The following MYOM2 variants were observed in gnomAD, a reference collection of about 807,000 sequenced individuals.
The protein encoded by MYOM2 is myomesin 2.
Under a neutral mutation model 187.6 loss-of-function variants are expected in MYOM2, and 254 were observed. That is an observed-to-expected ratio of 1.35 (90% CI 1.22 to 1.50). The LOEUF is 1.50. Ranked by LOEUF, MYOM2 falls within the 40% of genes most tolerant of loss-of-function variation. MYOM2 has a pLI of 0.00. For synonymous variants in MYOM2, 981 were observed against 753.8 expected (o/e 1.30, Z -4.94); for missense variants, 2,796 against 1,924.0 (o/e 1.45, Z -8.48).
At chr8:2,105,015 C>T (rs141640641) in intron 21 of MYOM2, among the ~76,000 whole-genome samples, 6 of 152,222 alleles carry the variant, frequency 3.9e-5, no homozygotes, top group East Asian at 1.9e-4. Flanking sequence ...TGAGCTCAAG[C>T]GATCCTCTGG....
intron 14 of MYOM2, 23 bp from the exon 15 acceptor site, chr8:2,089,985 C>T (rs1409403539): frequency 1.2e-6 from 2 of 1,610,978 alleles, no homozygotes; most frequent in Non-Finnish European, 1.7e-6. Context: ...CACTGCCAGT[C>T]TCGTTTCTGT....
chr8:2,103,248 ATGAG>A (rs773483962), intron 21 of MYOM2, among the ~76,000 whole-genome samples: 112 of 144,158 alleles, frequency 7.8e-4, no homozygotes, highest in Non-Finnish European at 1.3e-3. Context: ...ATATGGATAA[ATGAG>A]TGAGAGAGTG....
At chr8:2,065,272 G>C (rs955894220) in intron 6 of MYOM2, among the ~76,000 whole-genome samples, 1 of 152,170 alleles carries the variant, frequency 6.6e-6, no homozygotes, top group Non-Finnish European at 1.5e-5. Context: ...AGCTGCAGGT[G>C]TGTAAAAGCC....
At chr8:2,103,752 TGAG>T (rs1207779912) in intron 21 of MYOM2, among the ~76,000 whole-genome samples, 1 of 151,088 alleles carries the variant, frequency 6.6e-6, no homozygotes, top group Non-Finnish European at 1.5e-5. Flanking sequence ...TATGGATAAA[TGAG>T]TGGGAGAGCA....
intron 36 of MYOM2, among the ~76,000 whole-genome samples, chr8:2,143,966 C>T (rs773934695): frequency 1.3e-5 from 2 of 152,214 alleles, no homozygotes; most frequent in Non-Finnish European, 2.9e-5. Flanking sequence ...AATTTGTTGC[C>T]TGTCGGGAGA....
At chr8:2,111,094 G>A (rs906220791) in intron 25 of MYOM2, among the ~76,000 whole-genome samples, 5 of 152,200 alleles carry the variant, frequency 3.3e-5, no homozygotes, top group African/African-American at 1.2e-4. Flanking sequence ...TAGGGGAATG[G>A]CACTTTATTT....
chr8:2,079,757 C>T (rs1819558742), intron 13 of MYOM2, 144 bp downstream of exon 13: 5 of 863,950 alleles, frequency 5.8e-6, no homozygotes, highest in South Asian at 4.1e-5. Context: ...GGCCTGCAAG[C>T]CCAGTGTCCA....
At chr8:2,095,217 C>G (rs1396762300) in intron 17 of MYOM2, among the ~76,000 whole-genome samples, 3 of 151,930 alleles carry the variant, frequency 2.0e-5, no homozygotes, top group South Asian at 2.1e-4. Context: ...AATCTCCTCT[C>G]AATTTTTTCC....
At chr8:2,113,777 C>G (rs1797146443) in intron 25 of MYOM2, among the ~76,000 whole-genome samples, 2 of 152,358 alleles carry the variant, frequency 1.3e-5, no homozygotes, top group Non-Finnish European at 2.9e-5. Flanking sequence ...TCAGAGACCA[C>G]AGCCACCTCA....
In MYOM2 at chr8:2,096,367, A is replaced by G. The variant is rs759084834; in HGVS notation, c.2246A>G (p.Lys749Arg). The part of the protein sequence containing the change: ...GSPILGYYLD[K>R]REVHHKNWHE... ...CCCATCCTGGGCTACTACCTGGACA[A>G]GCGTGAAGTTCACCATAAAAACTGG... The change falls in exon 18 of 37, where the codon AAG becomes AGG. Residue 749 changes from lysine to arginine, a missense_variant. Transcript: ENST00000262113. 7 of 1,614,234 alleles carry G rather than the reference A, an allele frequency of 4.3e-6. No individual in the cohort carries two copies. In the South Asian group the frequency reaches 7.7e-5, roughly 18 times the overall value.
chr8:2,134,219 G>C (rs866414257), intron 32 of MYOM2, among the ~76,000 whole-genome samples: 17 of 152,206 alleles, frequency 1.1e-4, no homozygotes, highest in Admixed American at 2.6e-4. Flanking sequence ...CTGGCTCCTG[G>C]TTTCCCCCCT....
chr8:2,135,301 C>T (rs1044841659), intron 32 of MYOM2, among the ~76,000 whole-genome samples: 1 of 152,038 alleles, frequency 6.6e-6, no homozygotes. Context: ...TATTGCTTTC[C>T]AAAGTTACTT....
chr8:2,046,311 C>T (rs954823776), intron 1 of MYOM2, among the ~76,000 whole-genome samples: 5 of 152,168 alleles, frequency 3.3e-5, no homozygotes, highest in Non-Finnish European at 5.9e-5. Context: ...ACACGTGGTC[C>T]CCTGCACTGG....
At chr8:2,067,000 T>C (rs933368706) in intron 6 of MYOM2, among the ~76,000 whole-genome samples, 1 of 152,166 alleles carries the variant, frequency 6.6e-6, no homozygotes, top group African/African-American at 2.4e-5. Flanking sequence ...TGGGCTCTGG[T>C]GTGTGATCTG....
At chr8:2,078,392 G>C (rs914938229) in intron 11 of MYOM2, among the ~76,000 whole-genome samples, 2 of 152,190 alleles carry the variant, frequency 1.3e-5, no homozygotes, top group Non-Finnish European at 2.9e-5. Flanking sequence ...ACGTAAGTCG[G>C]AACAAGAACT....
chr8:2,120,272 G>C (rs903430380), intron 28 of MYOM2, among the ~76,000 whole-genome samples: 1 of 152,006 alleles, frequency 6.6e-6, no homozygotes, highest in African/African-American at 2.4e-5. Flanking sequence ...GTCGTTAGTT[G>C]GTCAACCAGC....
At chr8:2,122,739 A>G (rs1750468695) in intron 28 of MYOM2, among the ~76,000 whole-genome samples, 1 of 152,206 alleles carries the variant, frequency 6.6e-6, no homozygotes, top group Admixed American at 6.5e-5. Context: ...GTTTCTAGCC[A>G]GCGATTGAAT....
chr8:2,129,405 A>C (rs1372735080), intron 32 of MYOM2, among the ~76,000 whole-genome samples, 173 bp downstream of exon 32: 3 of 152,196 alleles, frequency 2.0e-5, no homozygotes, highest in South Asian at 4.1e-4. Context: ...CCCTCACGGC[A>C]GTGGGGAGGA....
intron 36 of MYOM2, 107 bp from the exon 37 acceptor site, chr8:2,144,557 G>GTAACT (rs1563088343): frequency 8.8e-7 from 1 of 1,133,906 alleles, no homozygotes; most frequent in Non-Finnish European, 1.3e-6. Context: ...AACGATTGAA[G>GTAACT]GACCAATAAA....
Sources: allele counts gnomAD v4.1 joint callset (sites outside exome capture counted in the v4.1 genomes callset), GRCh38; gene constraint gnomAD v4.1.1; transcripts MANE v1.5; gene names NCBI Gene and HGNC (gene_info 2026-07-23, HGNC 2026-07-21).